SGCZ: variants seen among roughly 807,000 people sequenced by gnomAD.
SGCZ encodes sarcoglycan zeta, also known as zeta-sarcoglycan.
SGCZ carries 40 observed loss-of-function variants against 41.3 expected under a neutral mutation model. The ratio of observed to expected loss-of-function variants is 0.97; its 90% CI spans 0.75 to 1.26. SGCZ has a LOEUF of 1.26. Ranked by LOEUF, SGCZ falls within the 50% of genes most tolerant of loss-of-function variation. The probability of loss-of-function intolerance (pLI) is 0.00; values close to 1 mark genes in which losing one functional copy is unlikely to be tolerated. For synonymous variants in SGCZ, 206 were observed against 137.5 expected (o/e 1.50, Z -3.49); for missense variants, 552 against 369.8 (o/e 1.49, Z -4.04).
intron 2 of SGCZ, among the ~76,000 whole-genome samples, chr8:14,389,416 C>T (rs145575555): frequency 2.7e-5 from 4 of 148,772 alleles, no homozygotes; most frequent in African/African-American, 7.4e-5. Context: ...TGAAAGTAGA[C>T]ATCATGCTGA....
rs976531520 is a variant in SGCZ at position 14,939,980 on chromosome 8, G to A, written c.39+297605C>T. Among the ~76,000 whole-genome samples the A allele has an allele frequency of 2.6e-4, 40 of 152,234 alleles. 1 individual carries two copies. The highest frequency in any genetic ancestry group is 3.4e-3 in the Middle Eastern group (1 of 294). ...TGAAACATCTATTTCAATTCTTAGG[G>A]ATTAGCACAGCAGACAGTCAATAGA... is the stretch of plus-strand genomic sequence containing the variant. On this transcript the variant is annotated intron_variant, in intron 1 of 7. Transcript: ENST00000382080.
chr8:14,584,134 A>C (rs187467748), intron 1 of SGCZ, among the ~76,000 whole-genome samples: 5 of 152,266 alleles, frequency 3.3e-5, no homozygotes, highest in Admixed American at 6.5e-5. Flanking sequence ...TCACTGCTAC[A>C]AACCACATAG....
At chr8:14,935,373 T>G (rs1343507446) in intron 1 of SGCZ, among the ~76,000 whole-genome samples, 2 of 151,746 alleles carry the variant, frequency 1.3e-5, no homozygotes, top group Non-Finnish European at 3.0e-5. Context: ...TAGTGTGATT[T>G]TACCTAAATT....
chr8:14,177,482 A>T (rs1804577288), intron 4 of SGCZ, among the ~76,000 whole-genome samples: 1 of 148,624 alleles, frequency 6.7e-6, no homozygotes, highest in South Asian at 2.1e-4. Flanking sequence ...AATCTTTTAA[A>T]GCTATCTGTT....
intron 1 of SGCZ, among the ~76,000 whole-genome samples, chr8:14,859,159 T>C (rs1803639568): frequency 6.6e-6 from 1 of 152,114 alleles, no homozygotes; most frequent in African/African-American, 2.4e-5. Context: ...AGAAGTATTT[T>C]ATGCATACTC....
chr8:14,546,600 A>G (rs953515542), intron 2 of SGCZ, among the ~76,000 whole-genome samples: 4 of 152,268 alleles, frequency 2.6e-5, no homozygotes, highest in Admixed American at 2.6e-4. Context: ...CATTCTAATT[A>G]CACACTAACT....
intron 1 of SGCZ, among the ~76,000 whole-genome samples, chr8:15,055,655 T>C (rs1477794609): frequency 1.3e-5 from 2 of 152,206 alleles, no homozygotes; most frequent in African/African-American, 4.8e-5. Context: ...GATATCTCAC[T>C]TGTCAAGTGC....
intron 2 of SGCZ, among the ~76,000 whole-genome samples, chr8:14,339,288 C>G (rs1295152445): frequency 6.6e-6 from 1 of 152,126 alleles, no homozygotes. Context: ...TTACACCTGC[C>G]TAAAAGCCAG....
chr8:14,671,057 T>G (rs1312457332), intron 1 of SGCZ, among the ~76,000 whole-genome samples: 2 of 152,242 alleles, frequency 1.3e-5, no homozygotes, highest in Non-Finnish European at 2.9e-5. Context: ...AGGAGTCCAC[T>G]GCGCATTCAT....
intron 1 of SGCZ, among the ~76,000 whole-genome samples, chr8:15,176,116 T>A (rs1180486824): frequency 2.0e-5 from 3 of 152,174 alleles, no homozygotes; most frequent in Non-Finnish European, 4.4e-5. Flanking sequence ...TAAGTAATAT[T>A]TGCATTATCT....
At position 15,225,757 on chromosome 8, in the gene SGCZ, A is replaced by T. The variant is rs371758952; in HGVS notation, c.39+11828T>A. 1.4e-4 allele frequency among the ~76,000 whole-genome samples: 21 copies of T among 152,306 alleles called. No homozygotes were observed. The East Asian group carries it at 4.1e-3, about 29-fold the overall frequency. The stretch of plus-strand genomic sequence containing the variant: ...CTGGACAGAGGGAAAGTAGATGAAA[A>T]GTGTCAGGAAACCAGGTGGTTCCTT... On this transcript the variant is annotated intron_variant, in intron 1 of 7. Coordinates refer to ENST00000382080, the MANE Select transcript of SGCZ (RefSeq NM_139167.4).
At chr8:14,136,942 A>G (rs1803218098) in intron 5 of SGCZ, among the ~76,000 whole-genome samples, 1 of 152,168 alleles carries the variant, frequency 6.6e-6, no homozygotes, top group African/African-American at 2.4e-5. Context: ...CTCTGAGACG[A>G]AGCTTACAGA....
chr8:14,545,346 T>C lies in SGCZ; in HGVS notation c.234+9386A>G, dbSNP rs576184482. Among the ~76,000 whole-genome samples, 3 of 151,984 alleles carry C rather than the reference T, an allele frequency of 2.0e-5. No homozygotes were observed. The East Asian group carries it at 5.8e-4, about 29-fold the overall frequency. On this transcript the variant is annotated intron_variant, in intron 2 of 7. Transcript: ENST00000382080. ...AATAAGATAATTTTTATTAAGATAA[T>C]ATTATCTTTGCTTGGAAACAACAAA...
chr8:14,712,827 G>A (rs936627165), intron 1 of SGCZ, among the ~76,000 whole-genome samples: 1 of 151,852 alleles, frequency 6.6e-6, no homozygotes, highest in Non-Finnish European at 1.5e-5. Context: ...CTTTTTTAAT[G>A]TGAATGAGTC....
chr8:14,142,080 C>T (rs1803387787), intron 5 of SGCZ, among the ~76,000 whole-genome samples: 1 of 152,172 alleles, frequency 6.6e-6, no homozygotes. Context: ...GAAAACCAAA[C>T]ACCGCATGTT....
chr8:14,928,647 A>G (rs1799834699), intron 1 of SGCZ, among the ~76,000 whole-genome samples: 1 of 152,214 alleles, frequency 6.6e-6, no homozygotes, highest in Non-Finnish European at 1.5e-5. Context: ...TGGGGTCCTC[A>G]GTGGTGGAAA....
chr8:14,607,817 C>T (rs1414506594), intron 1 of SGCZ, among the ~76,000 whole-genome samples: 2 of 152,158 alleles, frequency 1.3e-5, no homozygotes, highest in African/African-American at 4.8e-5. Context: ...ATGATCTACA[C>T]CTATGTGCCC....
At chr8:14,663,333 C>T (rs1297023797) in intron 1 of SGCZ, among the ~76,000 whole-genome samples, 1 of 152,120 alleles carries the variant, frequency 6.6e-6, no homozygotes, top group Admixed American at 6.6e-5. Flanking sequence ...TTATTTCACC[C>T]TGGATTCCTG....
intron 1 of SGCZ, among the ~76,000 whole-genome samples, chr8:14,806,928 T>C (rs4610748): frequency 0.23 from 34,594 of 149,520 alleles, 6,288 homozygotes; most frequent in African/African-American, 0.52. Flanking sequence ...TGGTTCAATA[T>C]ATGCAAATCA....
Sources: gnomAD v4.1 joint callset for allele counts (sites outside exome capture counted in the v4.1 genomes callset) on GRCh38, gnomAD v4.1.1 for gene constraint, MANE v1.5 for transcripts, NCBI Gene and HGNC (gene_info 2026-07-23, HGNC 2026-07-21) for gene names.